Variants in BTBD2 observed in about 807,000 individuals in gnomAD.
BTBD2 encodes BTB/POZ domain-containing protein 2.
BTBD2 carries 15 observed loss-of-function variants against 44.0 expected under a neutral mutation model. The ratio of observed to expected loss-of-function variants is 0.34; its 90% CI spans 0.23 to 0.53. The LOEUF (loss-of-function observed/expected upper bound fraction) is 0.53. Ranked by LOEUF, BTBD2 falls within the 20% of genes least tolerant of loss-of-function variation. The pLI is 0.95. For missense variants in BTBD2, 657 were observed against 746.4 expected (o/e 0.88, Z 1.39); for synonymous variants, 443 against 335.9 (o/e 1.32, Z -3.49).
chr19:1,986,332 AC>A lies in BTBD2; in HGVS notation c.*155del, dbSNP rs971403749. The stretch of plus-strand genomic sequence containing the variant: ...CCACACTCGTGGTGAACACAGGGCA[AC>A]CCCGTCCTGATGCTGAGAAAGGTGG... On this transcript the variant is annotated 3_prime_UTR_variant, in exon 9 of 9. Transcript: ENST00000255608. 1.0e-6 allele frequency: 1 copy of A among 976,024 alleles called. No individual in the cohort carries two copies. The highest frequency in any genetic ancestry group is 1.6e-5 in the African/African-American group (1 of 61,956). 60.5% of individuals were successfully genotyped at this position (976,024 alleles called of 1,614,324 possible). A position where few individuals can be genotyped will look rare whatever the true frequency, so the allele number is the denominator to read the frequency against.
chr19:1,994,248 G>A (rs1041573391), intron 2 of BTBD2, among the ~76,000 whole-genome samples: 3 of 151,122 alleles, frequency 2.0e-5, no homozygotes, highest in East Asian at 2.0e-4. Context: ...CCCAGGAGGC[G>A]GAGGTTGCAG....
intron 1 of BTBD2, among the ~76,000 whole-genome samples, chr19:2,003,912 G>A (rs539900094): frequency 1.4e-4 from 21 of 151,954 alleles, no homozygotes; most frequent in African/African-American, 4.8e-4. Context: ...TAAAAAGACA[G>A]CTACCAAGAT....
chr19:2,000,677 T>C (rs913599000), intron 1 of BTBD2, among the ~76,000 whole-genome samples: 1 of 152,000 alleles, frequency 6.6e-6, no homozygotes, highest in African/African-American at 2.4e-5. Flanking sequence ...CCCCCCTTCA[T>C]GTATCTGTAA....
chr19:2,007,250 G>T (rs1030052775), intron 1 of BTBD2, among the ~76,000 whole-genome samples: 4 of 152,102 alleles, frequency 2.6e-5, no homozygotes, highest in Non-Finnish European at 5.9e-5. Context: ...CTCGGCCTCC[G>T]AAAGTGCCAG....
chr19:2,002,334 G>A (rs1304651730), intron 1 of BTBD2, among the ~76,000 whole-genome samples: 1 of 152,234 alleles, frequency 6.6e-6, no homozygotes, highest in African/African-American at 2.4e-5. Context: ...TCCCAGTTCA[G>A]CTGCCCAAAG....
chr19:2,011,776 CA>C (rs2016467518), intron 1 of BTBD2, among the ~76,000 whole-genome samples: 2 of 152,130 alleles, frequency 1.3e-5, no homozygotes, highest in Non-Finnish European at 1.5e-5. Flanking sequence ...CCTCAGCCCT[CA>C]ATATGAACAC....
At chr19:2,006,400 G>A (rs1450552500) in intron 1 of BTBD2, among the ~76,000 whole-genome samples, 9 of 152,048 alleles carry the variant, frequency 5.9e-5, no homozygotes, top group Admixed American at 3.3e-4. Flanking sequence ...CCAGCTACTC[G>A]GGAGGCTGAG....
chr19:2,011,477 C>A (rs1432910953), intron 1 of BTBD2, among the ~76,000 whole-genome samples: 1 of 152,032 alleles, frequency 6.6e-6, no homozygotes, highest in Non-Finnish European at 1.5e-5. Context: ...ACCTGCCCAG[C>A]CCCTCTGGGC....
chr19:2,012,260 C>G (rs1190348828), intron 1 of BTBD2, among the ~76,000 whole-genome samples: 1 of 151,238 alleles, frequency 6.6e-6, no homozygotes, highest in Non-Finnish European at 1.5e-5. Context: ...TCACGAGATT[C>G]TCCTGCCTCA....
intron 1 of BTBD2, among the ~76,000 whole-genome samples, chr19:2,001,281 G>A (rs1020785400): frequency 1.3e-5 from 2 of 151,988 alleles, no homozygotes; most frequent in Admixed American, 1.3e-4. Flanking sequence ...TGGATCACGA[G>A]GTCAGGAGAT....
intron 1 of BTBD2, among the ~76,000 whole-genome samples, chr19:2,006,783 G>A (rs951808476): frequency 3.3e-5 from 5 of 152,118 alleles, no homozygotes; most frequent in Admixed American, 3.3e-4. Flanking sequence ...CCTCCTCCCA[G>A]ATTCAAGCGA....
chr19:1,989,008 G>C (rs1401542918), intron 5 of BTBD2, among the ~76,000 whole-genome samples: 1 of 152,084 alleles, frequency 6.6e-6, no homozygotes, highest in Admixed American at 6.6e-5. Flanking sequence ...CACCTCCTGG[G>C]TTCAAGTGAT....
Position 1,993,164 on chromosome 19 carries a change from C to A in BTBD2, c.540G>T (p.Ser180=). Reference sequence around the variant, plus strand: ...TCTCCGGGCCAATCTGCACCTCGTCCGAGTAGAGAAACCTGCAGAAGCAAC... The same window carrying A: ...TCTCCGGGCCAATCTGCACCTCGTCAGAGTAGAGAAACCTGCAGAAGCAAC... ...AFLALLKFLY[S]DEVQIGPETV... The change falls in exon 3 of 9, where the codon TCG becomes TCT. Residue 180 remains serine (S), a synonymous_variant. Coordinates refer to ENST00000255608, the MANE Select transcript of BTBD2 (RefSeq NM_017797.4). 1.2e-6 allele frequency: 2 copies of A among 1,601,846 alleles called. No individual in the cohort carries two copies. The highest frequency in any genetic ancestry group is 1.1e-5 in the South Asian group (1 of 90,642).
chr19:2,013,857 G>C (rs2016497914), intron 1 of BTBD2: 3 of 167,030 alleles, frequency 1.8e-5, no homozygotes, highest in Non-Finnish European at 3.7e-5. Context: ...GCGCACAGGG[G>C]TGCGGGTGGG....
chr19:1,994,445 G>A (rs1599351711), intron 2 of BTBD2, among the ~76,000 whole-genome samples: 1 of 152,026 alleles, frequency 6.6e-6, no homozygotes, highest in East Asian at 1.9e-4. Flanking sequence ...GTGTGGGCAT[G>A]GTGAGATCCT....
rs759264308 is a variant in BTBD2 at position 2,005,602 on chromosome 19, T to C, written c.408-8139A>G. Among the ~76,000 whole-genome samples the C allele has an allele frequency of 4.3e-4, 65 of 151,514 alleles. 1 individual carries two copies. The highest frequency in any genetic ancestry group is 1.5e-4 in the Non-Finnish European group (10 of 67,892). The stretch of plus-strand genomic sequence containing the variant: ...TTCGAGACCAGCCTGACCAATAGGA[T>C]GAAACGCCATCTCTCCTAAAAATAC... On this transcript the variant is annotated intron_variant, in intron 1 of 8. Transcript: ENST00000255608.
chr19:1,989,805 C>T (rs932070743), intron 5 of BTBD2, 199 bp downstream of exon 5: 37 of 621,736 alleles, frequency 6.0e-5, no homozygotes, highest in Admixed American at 3.7e-4. Flanking sequence ...GCAGTGTGCA[C>T]GGTGGGGACA....
At chr19:2,009,771 G>C (rs2016440044) in intron 1 of BTBD2, among the ~76,000 whole-genome samples, 1 of 152,076 alleles carries the variant, frequency 6.6e-6, no homozygotes, top group Admixed American at 6.6e-5. Flanking sequence ...AATTGCTTGA[G>C]CCAGGGAGCT....
intron 5 of BTBD2, 70 bp downstream of exon 5, chr19:1,989,934 C>A: frequency 6.4e-7 from 1 of 1,552,658 alleles, no homozygotes; most frequent in South Asian, 1.1e-5. Flanking sequence ...GGGCACTATC[C>A]TCGGTACCCA....
Sources: allele counts gnomAD v4.1 joint callset (sites outside exome capture counted in the v4.1 genomes callset), GRCh38; gene constraint gnomAD v4.1.1; transcripts MANE v1.5; gene names NCBI Gene and HGNC (gene_info 2026-07-23, HGNC 2026-07-21).